The following BTBD6 variants were observed in gnomAD, a reference collection of about 807,000 sequenced individuals.
BTBD6 encodes the protein BTB domain containing 6.
Under a neutral mutation model 40.6 loss-of-function variants are expected in BTBD6, and 30 were observed. That is an observed-to-expected ratio of 0.74 (90% CI 0.55 to 1.00). The LOEUF (loss-of-function observed/expected upper bound fraction) is 1.00. Among genes scored for constraint, BTBD6 ranks in the 50% least tolerant of loss-of-function variants. BTBD6 has a pLI of 0.00. For synonymous variants in BTBD6, 378 were observed against 308.7 expected (o/e 1.22, Z -2.35); for missense variants, 698 against 694.6 (o/e 1.00, Z -0.06).
intron 3 of BTBD6, 76 bp from the exon 4 acceptor site, chr14:105,249,564 T>A: frequency 3.8e-6 from 6 of 1,588,724 alleles, no homozygotes; most frequent in African/African-American, 1.3e-5. Flanking sequence ...CAGGAGCTGA[T>A]GGACTCCTCT....
Position 105,249,217 on chromosome 14 carries a change from G to C in BTBD6, c.435G>C (p.Pro145=). 1 of 1,587,350 alleles carries C rather than the reference G, an allele frequency of 6.3e-7. No individual in the cohort carries two copies. The highest frequency in any genetic ancestry group is 8.5e-7 in the Non-Finnish European group (1 of 1,173,414). The stretch of plus-strand genomic sequence containing the variant: ...ACGTGCACTTCGTCGTGGGGCCCCC[G>C]GGGGCGACCAGGACGGTGCCCGCCC... ...MADVHFVVGP[P]GATRTVPAHK... Residue 145 remains proline (P), a synonymous_variant, in exon 2 of 4, where the codon CCG becomes CCC. Transcript: ENST00000392554.
chr14:105,248,847 G>C lies in BTBD6; in HGVS notation c.136G>C (p.Ala46Pro). 1 of 990,406 alleles carries C rather than the reference G, an allele frequency of 1.0e-6. No individual in the cohort carries two copies. The highest frequency in any genetic ancestry group is 4.6e-5 in the South Asian group (1 of 21,880). The allele number at this position is 990,406 out of a possible 1,614,324, so 61.4% of individuals were successfully genotyped here. Residue 46 changes from alanine to proline, a missense_variant, in exon 1 of 4, where the codon GCC becomes CCC. Transcript: ENST00000392554. ...CGCGGCGTCCACAGGCGCCGAGGCTGCCCCCGCCGCCCCGCCCGCGAAGAT... is the reference window on the plus strand; with the variant it reads ...CGCGGCGTCCACAGGCGCCGAGGCTCCCCCCGCCGCCCCGCCCGCGAAGAT... ...RGAASTGAEA[A>P]PAAPPAKMAA...
rs2055514700 is a variant in BTBD6, at chr14:105,250,170, A to G, written c.1115A>G (p.Asn372Ser). 6.2e-7 allele frequency: 1 copy of G among 1,612,956 alleles called. No individual in the cohort carries two copies. Among genetic ancestry groups the G allele is most frequent in the African/African-American group, 1.3e-5 (1 of 75,040 alleles). Residue 372 changes from asparagine (N) to serine (S), a missense_variant, in exon 4 of 4, where the codon AAC (asparagine) becomes AGC (serine). By Grantham distance (46) the Asn-to-Ser change is conservative. Transcript: ENST00000392554. Reference sequence around the variant, plus strand: ...ATCTTCCTGTGGTACACGGCCACCAACAAGCCCCGCCTGGACTTTCCCCTG... The same window carrying G: ...ATCTTCCTGTGGTACACGGCCACCAGCAAGCCCCGCCTGGACTTTCCCCTG... ...HSIFLWYTAT[N>S]KPRLDFPLTK...
chr14:105,250,275 G>A lies in BTBD6; in HGVS notation c.1220G>A (p.Arg407His), dbSNP rs763806897. Reference sequence around the variant, plus strand: ...TACCGCAGCAACCAGTGGCGGTACCGCGGGCGCTGCGACAGCATCCAGTTT... The same window carrying A: ...TACCGCAGCAACCAGTGGCGGTACCACGGGCGCTGCGACAGCATCCAGTTT... ...SAYRSNQWRYRGRCDSIQFAV... is the reference protein window; with the variant it reads ...SAYRSNQWRYHGRCDSIQFAV... The change falls in exon 4 of 4, where the codon CGC (arginine) becomes CAC (histidine). Residue 407 changes from arginine (R) to histidine (H), a missense_variant. By Grantham distance (29) the Arg-to-His change is conservative (BLOSUM62 0). Transcript: ENST00000392554. The A allele has an allele frequency of 2.5e-6, 4 of 1,613,090 alleles. No individual in the cohort carries two copies. The highest frequency in any genetic ancestry group is 2.2e-5 in the East Asian group (1 of 44,888).
chr14:105,249,044 G>A lies in BTBD6; in HGVS notation c.333G>A (p.Glu111=), dbSNP rs1425087967. Residue 111 remains glutamate, a synonymous_variant, in exon 1 of 4, where the codon GAG becomes GAA. Coordinates refer to ENST00000392554, the MANE Select transcript of BTBD6 (RefSeq NM_001387567.1). ...APPTLGNNHQ[E]SPGWRCCRPT... ...CCACACTCGGCAACAACCACCAGGAGAGCCCCGGCTGGCGGTGCTGCCGCC... is the reference window on the plus strand; with the variant it reads ...CCACACTCGGCAACAACCACCAGGAAAGCCCCGGCTGGCGGTGCTGCCGCC... 1.6e-5 allele frequency: 21 copies of A among 1,274,772 alleles called. No individual in the cohort carries two copies. Among genetic ancestry groups the A allele is most frequent in the East Asian group, 3.4e-5 (1 of 29,184 alleles). 79.0% of individuals were successfully genotyped at this position (1,274,772 alleles called of 1,614,324 possible). A position where few individuals can be genotyped will look rare whatever the true frequency, so the allele number is the denominator to read the frequency against.
At position 105,250,564 on chromosome 14, in the gene BTBD6, G is replaced by A. The variant is rs774818164; in HGVS notation, c.1509G>A (p.Thr503=). 13 of 1,614,006 alleles carry A rather than the reference G, an allele frequency of 8.1e-6. No homozygotes were observed. Among genetic ancestry groups the A allele is most frequent in the Admixed American group, 3.3e-5 (2 of 59,998 alleles). The change falls in exon 4 of 4, where the codon ACG becomes ACA. Residue 503 remains threonine, a synonymous_variant. Coordinates refer to ENST00000392554, the MANE Select transcript of BTBD6 (RefSeq NM_001387567.1). The part of the protein sequence containing the change: ...ELSYFGQEGM[T]EVQCGKVAFQ... The stretch of plus-strand genomic sequence containing the variant: ...GCTACTTTGGGCAGGAGGGGATGAC[G>A]GAAGTGCAGTGTGGAAAGGTGGCCT...
In BTBD6 at chr14:105,249,467, G is replaced by A; in HGVS notation, c.573G>A (p.Leu191=). 1 of 1,609,608 alleles carries A rather than the reference G, an allele frequency of 6.2e-7. No individual in the cohort carries two copies. The highest frequency in any genetic ancestry group is 8.5e-7 in the Non-Finnish European group (1 of 1,177,556). The stretch of plus-strand genomic sequence containing the variant: ...CAGACGTGGAGCCCGCAGCCTTTCT[G>A]ATCCTCTTAAAGTAAGTCCACTCTA... ...HIPDVEPAAF[L]ILLKYMYSDE... Residue 191 remains leucine, a synonymous_variant, in exon 3 of 4, where the codon CTG becomes CTA. Transcript: ENST00000392554.
intron 3 of BTBD6, 43 bp downstream of exon 3, chr14:105,249,521 G>A (rs1282063784): frequency 6.2e-7 from 1 of 1,607,320 alleles, no homozygotes; most frequent in East Asian, 2.2e-5. Flanking sequence ...GTCCGTTTTA[G>A]GCGGCCTCCG....
rs368469368 is a variant in BTBD6 at position 105,250,306 on chromosome 14, G to C, written c.1251G>C (p.Val417=). 18 of 1,613,178 alleles carry C rather than the reference G, an allele frequency of 1.1e-5. No homozygotes were observed. In the East Asian group the frequency reaches 3.6e-4, roughly 32 times the overall value. The part of the protein sequence containing the change: ...RGRCDSIQFA[V]DRRVFIAGLG... ...GCTGCGACAGCATCCAGTTTGCAGT[G>C]GACAGAAGGGTATTTATTGCAGGGC... The change falls in exon 4 of 4, where the codon GTG becomes GTC. Residue 417 remains valine (V), a synonymous_variant. Coordinates refer to ENST00000392554, the MANE Select transcript of BTBD6 (RefSeq NM_001387567.1).
At position 105,248,971 on chromosome 14, in the gene BTBD6, C is replaced by G; in HGVS notation, c.260C>G (p.Pro87Arg). The G allele has an allele frequency of 1.0e-6, 1 of 981,516 alleles. No individual in the cohort carries two copies. The highest frequency in any genetic ancestry group is 1.2e-6 in the Non-Finnish European group (1 of 828,556). 60.8% of individuals were successfully genotyped at this position (981,516 alleles called of 1,614,324 possible). A position where few individuals can be genotyped will look rare whatever the true frequency, so the allele number is the denominator to read the frequency against. Residue 87 changes from proline to arginine, a missense_variant, in exon 1 of 4, where the codon CCG becomes CGG. Coordinates refer to ENST00000392554, the MANE Select transcript of BTBD6 (RefSeq NM_001387567.1). ...GGCAGGAAGGCCGGGCCGCGCAGCC[C>G]GCCCAGCGCCCCCGCGCCAGCGCCG... is the stretch of plus-strand genomic sequence containing the variant. ...AVGRKAGPRS[P>R]PSAPAPAPPP...
chr14:105,248,846 T>C lies in BTBD6; in HGVS notation c.135T>C (p.Ala45=). Residue 45 remains alanine, a synonymous_variant, in exon 1 of 4, where the codon GCT becomes GCC. Transcript: ENST00000392554. ...ARGAASTGAE[A]APAAPPAKMA... is the part of the protein sequence containing the mutation. ...GCGCGGCGTCCACAGGCGCCGAGGC[T>C]GCCCCCGCCGCCCCGCCCGCGAAGA... The C allele has an allele frequency of 2.0e-6, 2 of 989,932 alleles. No individual in the cohort carries two copies. The highest frequency in any genetic ancestry group is 9.2e-5 in the South Asian group (2 of 21,848). The allele number at this position is 989,932 out of a possible 1,614,324, so 61.3% of individuals were successfully genotyped here. A position where few individuals can be genotyped will look rare whatever the true frequency, so the allele number is the denominator to read the frequency against.
At position 105,248,960 on chromosome 14, in the gene BTBD6, G is replaced by A; in HGVS notation, c.249G>A (p.Gly83=). The A allele has an allele frequency of 1.0e-6, 1 of 980,388 alleles. No homozygotes were observed. Among genetic ancestry groups the A allele is most frequent in the Non-Finnish European group, 1.2e-6 (1 of 827,696 alleles). 60.7% of individuals were successfully genotyped at this position (980,388 alleles called of 1,614,324 possible). ...NAGAAVGRKA[G]PRSPPSAPAP... is the part of the protein sequence containing the mutation. ...GCGCCGCCGTGGGCAGGAAGGCCGG[G>A]CCGCGCAGCCCGCCCAGCGCCCCCG... Residue 83 remains glycine, a synonymous_variant, in exon 1 of 4, where the codon GGG becomes GGA. Transcript: ENST00000392554.
rs1223420751 is a variant in BTBD6, at chr14:105,248,648, CGCAGGGGCGGGGGT to C, written c.-62_-49del. ...GCGCTAGGCTGGGCTCGGGCAGGGTCGCAGGGGCGGGGGTGGCAGGGGAGCGGGTGGCAGCCCCG... is the reference window on the plus strand; with the variant it reads ...GCGCTAGGCTGGGCTCGGGCAGGGTCGGCAGGGGAGCGGGTGGCAGCCCCG... On this transcript the variant is annotated 5_prime_UTR_variant, in exon 1 of 4. Coordinates refer to ENST00000392554, the MANE Select transcript of BTBD6 (RefSeq NM_001387567.1). 1 of 980,202 alleles carries C rather than the reference CGCAGGGGCGGGGGT, an allele frequency of 1.0e-6. No individual in the cohort carries two copies. Among genetic ancestry groups the C allele is most frequent in the Non-Finnish European group, 1.2e-6 (1 of 828,072 alleles). The allele number at this position is 980,202 out of a possible 1,614,324, so 60.7% of individuals were successfully genotyped here.
chr14:105,249,279 G>T (rs755526976), intron 2 of BTBD6, 32 bp downstream of exon 2: 11 of 1,552,976 alleles, frequency 7.1e-6, no homozygotes, highest in Non-Finnish European at 7.8e-6. Context: ...CGGAACGCGT[G>T]CCCCGTCCGC....
chr14:105,248,716 TGCTGCCCCTA>T lies in BTBD6; in HGVS notation c.8_17del (p.Leu3ProfsTer11). 8 of 981,428 alleles carry T rather than the reference TGCTGCCCCTA, an allele frequency of 8.2e-6. No homozygotes were observed. Among genetic ancestry groups the T allele is most frequent in the Non-Finnish European group, 9.6e-6 (8 of 829,084 alleles). The allele number at this position is 981,428 out of a possible 1,614,324, so 60.8% of individuals were successfully genotyped here. ...GTCACAGCGCCGCCGCCGCCCATGC[TGCTGCCCCTA>T]GCCTGCCTGCACGGCCGCGTCGCTC... is the stretch of plus-strand genomic sequence containing the variant. On this transcript the variant is annotated frameshift_variant, in exon 1 of 4. Transcript: ENST00000392554. LOFTEE classifies it high-confidence loss of function.
rs749299738 is a variant in BTBD6 at position 105,249,517 on chromosome 14, T to C, written c.584+39T>C. On this transcript the variant is annotated intron_variant, in intron 3 of 3. Coordinates refer to ENST00000392554, the MANE Select transcript of BTBD6 (RefSeq NM_001387567.1). Reference sequence around the variant, plus strand: ...ACTGGGGAGGGACGGGTGGGTCCGTTTTAGGCGGCCTCCGGAGGCTTCTGA... The same window carrying C: ...ACTGGGGAGGGACGGGTGGGTCCGTCTTAGGCGGCCTCCGGAGGCTTCTGA... The C allele has an allele frequency of 2.5e-6, 4 of 1,609,042 alleles. No individual in the cohort carries two copies. In the African/African-American group the frequency reaches 5.3e-5, roughly 22 times the overall value.
chr14:105,250,838 G>C lies in BTBD6; in HGVS notation c.*166G>C. 1 of 740,610 alleles carries C rather than the reference G, an allele frequency of 1.4e-6. No individual in the cohort carries two copies. The highest frequency in any genetic ancestry group is 2.2e-6 in the Non-Finnish European group (1 of 453,054). The allele number at this position is 740,610 out of a possible 1,614,324, so 45.9% of individuals were successfully genotyped here. ...ACATTTTCCACACAGCCAGAACCCA[G>C]GGATTGGAGTCTTAGGCATCTCTGG... is the stretch of plus-strand genomic sequence containing the variant. On this transcript the variant is annotated 3_prime_UTR_variant, in exon 4 of 4. Transcript: ENST00000392554.
In BTBD6 at chr14:105,248,777, T is replaced by G. The variant is rs944790430; in HGVS notation, c.66T>G (p.Leu22=). The G allele has an allele frequency of 2.0e-6, 2 of 980,722 alleles. No individual in the cohort carries two copies. Among genetic ancestry groups the G allele is most frequent in the African/African-American group, 3.6e-5 (2 of 56,246 alleles). The allele number at this position is 980,722 out of a possible 1,614,324, so 60.8% of individuals were successfully genotyped here. A position where few individuals can be genotyped will look rare whatever the true frequency, so the allele number is the denominator to read the frequency against. Residue 22 remains leucine, a synonymous_variant, in exon 1 of 4, where the codon CTT becomes CTG. Transcript: ENST00000392554. The part of the protein sequence containing the change: ...VAQCLTSLLL[L]AEPLPRPRRG... Reference sequence around the variant, plus strand: ...AGTGCCTGACCTCCTTGCTTTTGCTTGCAGAGCCGCTCCCGAGGCCCCGGC... The same window carrying G: ...AGTGCCTGACCTCCTTGCTTTTGCTGGCAGAGCCGCTCCCGAGGCCCCGGC...
chr14:105,250,962 T>G lies in BTBD6; in HGVS notation c.*290T>G, dbSNP rs1566837339. 10 of 398,566 alleles carry G rather than the reference T, an allele frequency of 2.5e-5. 1 individual carries two copies. Among genetic ancestry groups the G allele is most frequent in the Middle Eastern group, 7.0e-4 (1 of 1,426 alleles). 24.7% of individuals were successfully genotyped at this position (398,566 alleles called of 1,614,324 possible). A position where few individuals can be genotyped will look rare whatever the true frequency, so the allele number is the denominator to read the frequency against. On this transcript the variant is annotated 3_prime_UTR_variant, in exon 4 of 4. Transcript: ENST00000392554. ...ACCCATGCCACCTGCTTTGAGGGGTTGGATCTTCCTGCTACCCTCTTGGAT... is the reference window on the plus strand; with the variant it reads ...ACCCATGCCACCTGCTTTGAGGGGTGGGATCTTCCTGCTACCCTCTTGGAT...
Sources: gnomAD v4.1 joint callset for allele counts on GRCh38, gnomAD v4.1.1 for gene constraint, MANE v1.5 for transcripts, NCBI Gene and HGNC (gene_info 2026-07-23, HGNC 2026-07-21) for gene names.